The following MTX2 variants were observed in gnomAD, a reference collection of about 807,000 sequenced individuals.
MTX2 encodes the protein metaxin 2.
A neutral mutation model predicts 42.3 loss-of-function variants in MTX2; 35 were observed. The ratio of observed to expected loss-of-function variants is 0.83; its 90% CI spans 0.63 to 1.10. The LOEUF (loss-of-function observed/expected upper bound fraction) is 1.10, where lower values mean the gene tolerates loss of function less well. Ranked by LOEUF, MTX2 falls within the 50% of genes least tolerant of loss-of-function variation. MTX2 has a pLI of 0.00. For synonymous variants in MTX2, 119 were observed against 100.9 expected, an observed-to-expected ratio of 1.18 and a Z score of -1.08; for missense variants, 307 against 304.1, an observed-to-expected ratio of 1.01 and a Z score of -0.07.
intron 8 of MTX2, 143 bp from the exon 9 acceptor site, chr2:176,330,441 C>T: frequency 1.1e-5 from 5 of 439,232 alleles, no homozygotes; most frequent in Middle Eastern, 6.9e-4. Flanking sequence ...TATATGTGGT[C>T]TATGGTCTTA....
At chr2:176,294,278 CTTT>C (rs750682515) in intron 1 of MTX2, among the ~76,000 whole-genome samples, 5 of 125,316 alleles carry the variant, frequency 4.0e-5, no homozygotes, top group Non-Finnish European at 6.6e-5. Flanking sequence ...GATGAATTAA[CTTT>C]TTTTTTTTTT....
chr2:176,335,889 G>C (rs1180308995), intron 9 of MTX2, among the ~76,000 whole-genome samples: 1 of 152,064 alleles, frequency 6.6e-6, no homozygotes, highest in African/African-American at 2.4e-5. Flanking sequence ...TATGAATCCA[G>C]AGCTCAGGGG....
Position 176,329,382 on chromosome 2 carries a change from CG to C in MTX2, c.500del (p.Arg167LeufsTer3). Reference protein sequence around the residue: ...LAYQKQWEVKRKMKAIGWGKK... With the variant: ...LAYQKQWEVKXKMKAIGWGKK... ...CTATCAAAAACAGTGGGAAGTCAAA[CG>C]TAAGATGAAAGCTATTGGATGGGGA... On this transcript the variant is annotated frameshift_variant, in exon 8 of 10. Transcript: ENST00000249442. LOFTEE classifies it high-confidence loss of function. The C allele has an allele frequency of 6.2e-7, 1 of 1,607,472 alleles. No individual in the cohort carries two copies. Among genetic ancestry groups the C allele is most frequent in the Non-Finnish European group, 8.5e-7 (1 of 1,175,554 alleles).
At chr2:176,286,136 A>G (rs956694472) in intron 1 of MTX2, among the ~76,000 whole-genome samples, 6 of 152,106 alleles carry the variant, frequency 3.9e-5, no homozygotes, top group Admixed American at 6.5e-5. Flanking sequence ...GTATCTTTTC[A>G]TGTGCTTTTT....
intron 1 of MTX2, among the ~76,000 whole-genome samples, chr2:176,278,342 C>T (rs1450444525): frequency 6.6e-6 from 1 of 152,018 alleles, no homozygotes; most frequent in Non-Finnish European, 1.5e-5. Flanking sequence ...TGAGCCACTG[C>T]ACCTGGCCAA....
At position 176,329,003 on chromosome 2, in the gene MTX2, T is replaced by C. The variant is rs1035453385; in HGVS notation, c.417+91T>C. On this transcript the variant is annotated intron_variant, in intron 7 of 9. Transcript: ENST00000249442. ...CAAGTCCCTGCTCATAAATGAAACATTGTGGTTTATACCATTAGTGATATA... is the reference window on the plus strand; with the variant it reads ...CAAGTCCCTGCTCATAAATGAAACACTGTGGTTTATACCATTAGTGATATA... The C allele has an allele frequency of 3.4e-6, 4 of 1,184,468 alleles. No individual in the cohort carries two copies. The Admixed American group carries it at 7.1e-5, about 21-fold the overall frequency. 73.4% of individuals were successfully genotyped at this position (1,184,468 alleles called of 1,614,324 possible).
chr2:176,323,572 CT>C lies in MTX2; in HGVS notation c.208+111del, dbSNP rs1575058950. 5 of 1,013,346 alleles carry C rather than the reference CT, an allele frequency of 4.9e-6. No individual in the cohort carries two copies. In the East Asian group the frequency reaches 1.2e-4, roughly 25 times the overall value. 62.8% of individuals were successfully genotyped at this position (1,013,346 alleles called of 1,614,324 possible). ...AAATGCCTGATTTTTTTTGTTTACCCTTTGAAGAATCTTTCCATGGTTTTAG... is the reference window on the plus strand; with the variant it reads ...AAATGCCTGATTTTTTTTGTTTACCCTTGAAGAATCTTTCCATGGTTTTAG... On this transcript the variant is annotated intron_variant, in intron 4 of 9. Coordinates refer to ENST00000249442, the MANE Select transcript of MTX2 (RefSeq NM_006554.5).
chr2:176,275,823 A>G (rs1437518380), intron 1 of MTX2, among the ~76,000 whole-genome samples: 1 of 152,178 alleles, frequency 6.6e-6, no homozygotes, highest in Non-Finnish European at 1.5e-5. Context: ...CTGTGCCAGG[A>G]GTGGCTCCAG....
At chr2:176,313,388 C>CTTTTTTTTTTTTTTTTTTTTTTTTTT (rs1207416607) in intron 3 of MTX2, among the ~76,000 whole-genome samples, 1 of 103,510 alleles carries the variant, frequency 9.7e-6, no homozygotes, top group African/African-American at 3.9e-5. Context: ...TACACTGATT[C>CTTTTTTTTTTTTTTTTTTTTTTTTTT]TTTTTTTTTT....
intron 1 of MTX2, among the ~76,000 whole-genome samples, chr2:176,277,306 A>G (rs138035185): frequency 6.6e-6 from 1 of 152,378 alleles, no homozygotes; most frequent in East Asian, 1.9e-4. Context: ...ATTGCTCACA[A>G]TGAAGAAAAT....
chr2:176,296,157 G>A (rs979978252), intron 1 of MTX2, among the ~76,000 whole-genome samples: 5 of 152,126 alleles, frequency 3.3e-5, no homozygotes, highest in African/African-American at 1.2e-4. Context: ...CTGGATGAGA[G>A]ATTAAGGGTC....
At chr2:176,292,941 T>C (rs1443108582) in intron 1 of MTX2, among the ~76,000 whole-genome samples, 1 of 152,202 alleles carries the variant, frequency 6.6e-6, no homozygotes, top group South Asian at 2.1e-4. Context: ...TTGGTATGTG[T>C]GTTGAAATTC....
intron 1 of MTX2, among the ~76,000 whole-genome samples, chr2:176,287,357 G>A (rs1396569183): frequency 6.6e-6 from 1 of 152,186 alleles, no homozygotes; most frequent in Non-Finnish European, 1.5e-5. Flanking sequence ...TATACACTGA[G>A]TATCCCCAAT....
At chr2:176,290,777 A>G (rs1033435426) in intron 1 of MTX2, among the ~76,000 whole-genome samples, 1 of 144,338 alleles carries the variant, frequency 6.9e-6, no homozygotes, top group African/African-American at 2.6e-5. Flanking sequence ...CTCTCATGTC[A>G]TGCTTTACAT....
chr2:176,289,676 T>C (rs905496924), intron 1 of MTX2, among the ~76,000 whole-genome samples: 1 of 152,124 alleles, frequency 6.6e-6, no homozygotes, highest in African/African-American at 2.4e-5. Flanking sequence ...GGTGAATTAA[T>C]GTAGGTCACT....
chr2:176,276,222 T>C (rs969101300), intron 1 of MTX2, among the ~76,000 whole-genome samples: 7 of 152,214 alleles, frequency 4.6e-5, no homozygotes, highest in African/African-American at 1.7e-4. Flanking sequence ...TAGAATAATT[T>C]GTTATTCCAG....
chr2:176,329,116 A>G (rs930143568), intron 7 of MTX2, among the ~76,000 whole-genome samples, 185 bp from the exon 8 acceptor site: 4 of 151,290 alleles, frequency 2.6e-5, no homozygotes, highest in Non-Finnish European at 5.9e-5. Flanking sequence ...CAAAGTACAT[A>G]AAAGTTTATA....
chr2:176,272,923 A>C (rs769181661), intron 1 of MTX2, among the ~76,000 whole-genome samples: 2 of 152,196 alleles, frequency 1.3e-5, no homozygotes, highest in Non-Finnish European at 2.9e-5. Context: ...AGGCTGCCTT[A>C]ATCTGTTTTG....
intron 1 of MTX2, among the ~76,000 whole-genome samples, chr2:176,282,126 G>GTTTTTTTTGGTTTTTTTTT (rs767511650): frequency 3.8e-5 from 1 of 26,432 alleles, no homozygotes; most frequent in Non-Finnish European, 6.5e-5. Flanking sequence ...AGTTACAGTA[G>GTTTTTTTTGGTTTTTTTTT]TTTTTTTTTT....
Sources: gnomAD v4.1 joint callset for allele counts (sites outside exome capture counted in the v4.1 genomes callset) on GRCh38, gnomAD v4.1.1 for gene constraint, MANE v1.5 for transcripts, NCBI Gene and HGNC (gene_info 2026-07-23, HGNC 2026-07-21) for gene names.